Variants in FNBP1 observed in about 807,000 individuals in gnomAD.
The protein encoded by FNBP1 is formin-binding protein 1.
In FNBP1, 26 loss-of-function variants were observed where a neutral mutation model predicts 90.6. That is an observed-to-expected ratio of 0.29 (90% confidence interval 0.21 to 0.40). The LOEUF (loss-of-function observed/expected upper bound fraction) is 0.40, where lower values mean the gene tolerates loss of function less well. FNBP1 is among the 10% of genes least tolerant of loss of function. The pLI is 1.00. For missense variants in FNBP1, 635 were observed against 768.0 expected (o/e 0.83, Z 2.05); for synonymous variants, 260 against 265.2 (o/e 0.98, Z 0.19).
At chr9:129,958,437 A>G in intron 5 of FNBP1, 54 bp downstream of exon 5, 1 of 1,342,706 alleles carries the variant, frequency 7.4e-7, no homozygotes, top group Non-Finnish European at 9.8e-7. Flanking sequence ...GTCTCAAAAA[A>G]AAAGAAAAAA....
intron 2 of FNBP1, among the ~76,000 whole-genome samples, chr9:129,988,876 T>C (rs1433648639): frequency 1.3e-5 from 2 of 152,192 alleles, no homozygotes; most frequent in South Asian, 2.1e-4. Context: ...GTCTCACGTT[T>C]ATGTCTAAAA....
Position 130,042,831 on chromosome 9 carries a change from G to C in FNBP1, c.24+121C>G. On this transcript the variant is annotated intron_variant, in intron 1 of 16. Transcript: ENST00000446176. The surrounding 1 kb of genome is among the most constrained non-coding windows in gnomAD (Gnocchi z 5.5). The stretch of plus-strand genomic sequence containing the variant: ...GAACCCCGCCTCCTCCCCAGGCCGC[G>C]AGGACCCCGACCAGCGCGCCCTCGC... 5 of 603,800 alleles carry C rather than the reference G, an allele frequency of 8.3e-6. No homozygotes were observed. The highest frequency in any genetic ancestry group is 1.2e-5 in the Non-Finnish European group (5 of 420,712). The allele number at this position is 603,800 out of a possible 1,614,324, so 37.4% of individuals were successfully genotyped here.
chr9:130,039,876 T>A (rs555145930), intron 1 of FNBP1, among the ~76,000 whole-genome samples: 1 of 152,284 alleles, frequency 6.6e-6, no homozygotes, highest in African/African-American at 2.4e-5. Context: ...AAAATGTATG[T>A]AAAATCTGAT....
intron 6 of FNBP1, among the ~76,000 whole-genome samples, chr9:129,932,101 C>T (rs141306090): frequency 0.01 from 1,560 of 151,888 alleles, 13 homozygotes; most frequent in Middle Eastern, 0.027. Context: ...GTCCCAGCTA[C>T]TTGGGAGGCC....
chr9:129,941,792 TG>T (rs2044364485), intron 6 of FNBP1, among the ~76,000 whole-genome samples: 1 of 151,912 alleles, frequency 6.6e-6, no homozygotes, highest in Non-Finnish European at 1.5e-5. Context: ...AAGTTTAGGC[TG>T]GGTGCAGTGG....
chr9:129,980,014 A>G (rs138087154), intron 2 of FNBP1, among the ~76,000 whole-genome samples: 11 of 150,626 alleles, frequency 7.3e-5, no homozygotes, highest in African/African-American at 2.7e-4. Flanking sequence ...GGTCATCCTG[A>G]GTTGGGGCAT....
chr9:129,918,727 C>T (rs1253838307), intron 10 of FNBP1, among the ~76,000 whole-genome samples: 3 of 152,074 alleles, frequency 2.0e-5, no homozygotes, highest in Non-Finnish European at 2.9e-5. Flanking sequence ...GCTACACTGC[C>T]GTCTGTAAGA....
At chr9:129,928,228 C>A (rs965061470) in intron 7 of FNBP1, among the ~76,000 whole-genome samples, 3 of 152,166 alleles carry the variant, frequency 2.0e-5, no homozygotes, top group Non-Finnish European at 2.9e-5. Flanking sequence ...CAAAAGAAAA[C>A]AATCCAAAAG....
At chr9:129,907,058 G>A (rs7872614) in intron 12 of FNBP1, among the ~76,000 whole-genome samples, 374 of 150,828 alleles carry the variant, frequency 2.5e-3, no homozygotes, top group Middle Eastern at 0.014. Context: ...GATTACAGGC[G>A]TGAGCCACTG....
intron 4 of FNBP1, among the ~76,000 whole-genome samples, chr9:129,959,669 C>T (rs963176882): frequency 1.1e-3 from 174 of 152,098 alleles, no homozygotes; most frequent in South Asian, 8.3e-4. Flanking sequence ...AGACAGCGAT[C>T]GCTTCATCTT....
intron 16 of FNBP1, among the ~76,000 whole-genome samples, chr9:129,893,115 G>A (rs894522453): frequency 1.3e-5 from 2 of 152,002 alleles, no homozygotes; most frequent in Admixed American, 6.6e-5. Flanking sequence ...GTTTGTCATC[G>A]GATAGAAAGG....
At chr9:130,021,474 C>A (rs965504242) in intron 1 of FNBP1, among the ~76,000 whole-genome samples, 1 of 152,194 alleles carries the variant, frequency 6.6e-6, no homozygotes, top group African/African-American at 2.4e-5. Flanking sequence ...CTACCATTAG[C>A]CAACTTGACT....
At chr9:129,907,869 T>C (rs889694600) in intron 12 of FNBP1, among the ~76,000 whole-genome samples, 31 of 150,274 alleles carry the variant, frequency 2.1e-4, no homozygotes, top group African/African-American at 7.4e-4. Flanking sequence ...GCTGGGACTA[T>C]AGGCGCCCGC....
At chr9:129,891,697 G>A (rs2035123214) in intron 16 of FNBP1, among the ~76,000 whole-genome samples, 1 of 152,194 alleles carries the variant, frequency 6.6e-6, no homozygotes, top group Admixed American at 6.5e-5. Context: ...CAGGCCCTGA[G>A]TGCACGCAAG....
intron 4 of FNBP1, among the ~76,000 whole-genome samples, chr9:129,967,890 G>T (rs932002995): frequency 6.6e-6 from 1 of 151,994 alleles, no homozygotes; most frequent in Non-Finnish European, 1.5e-5. Flanking sequence ...TTTTGAGATT[G>T]GGGGGTGGAT....
chr9:130,043,171 C>A lies in FNBP1; in HGVS notation c.-196G>T, dbSNP rs2059994226. On this transcript the variant is annotated 5_prime_UTR_variant, in exon 1 of 17. Transcript: ENST00000446176. The stretch of plus-strand genomic sequence containing the variant: ...CCCCGCCGCTCCACAGCAAAATGGC[C>A]CGAGGAAGCAGCAGCCGCGGCCGCC... 2.5e-6 allele frequency: 1 copy of A among 399,720 alleles called. No homozygotes were observed. The highest frequency in any genetic ancestry group is 3.7e-5 in the East Asian group (1 of 26,750). 24.8% of individuals were successfully genotyped at this position (399,720 alleles called of 1,614,324 possible). A position where few individuals can be genotyped will look rare whatever the true frequency, so the allele number is the denominator to read the frequency against.
At chr9:129,914,084 G>A (rs894155705) in intron 11 of FNBP1, among the ~76,000 whole-genome samples, 5 of 151,648 alleles carry the variant, frequency 3.3e-5, no homozygotes, top group Non-Finnish European at 5.9e-5. Flanking sequence ...TAGAACTCCT[G>A]GGCGCAAATG....
At chr9:129,891,070 G>A (rs552342024) in intron 16 of FNBP1, among the ~76,000 whole-genome samples, 10 of 151,422 alleles carry the variant, frequency 6.6e-5, no homozygotes, top group African/African-American at 2.2e-4. Context: ...CAGAAGAATC[G>A]CTTCAACCCA....
chr9:129,983,577 T>C (rs570868321), intron 2 of FNBP1, among the ~76,000 whole-genome samples: 1 of 152,224 alleles, frequency 6.6e-6, no homozygotes, highest in East Asian at 1.9e-4. Flanking sequence ...TCCCAGCACT[T>C]TGGGAGGCCG....
Sources: gnomAD v4.1 joint callset for allele counts (sites outside exome capture counted in the v4.1 genomes callset) on GRCh38, gnomAD v4.1.1 for gene constraint, Gnocchi (gnomAD v3.1) non-coding constraint, MANE v1.5 for transcripts, NCBI Gene and HGNC (gene_info 2026-07-23, HGNC 2026-07-21) for gene names.